The following ZCWPW2 variants were observed in gnomAD, a reference collection of about 807,000 sequenced individuals.
ZCWPW2 encodes the protein zinc finger CW-type and PWWP domain containing 2, also known as zinc finger CW-type PWWP domain protein 2.
ZCWPW2 carries 45 observed loss-of-function variants against 46.6 expected under a neutral mutation model. The ratio of observed to expected loss-of-function variants is 0.96; its 90% confidence interval spans 0.76 to 1.24. ZCWPW2 has a LOEUF of 1.24. Ranked by LOEUF, ZCWPW2 falls within the 50% of genes most tolerant of loss-of-function variation. The pLI, the probability that ZCWPW2 is intolerant of heterozygous loss-of-function variation, is 0.00. For missense variants in ZCWPW2, 429 were observed against 403.9 expected (o/e 1.06, Z -0.53); for synonymous variants, 152 against 137.1 (o/e 1.11, Z -0.76).
intron 1 of ZCWPW2, among the ~76,000 whole-genome samples, chr3:28,384,753 A>C (rs1054183513): frequency 6.6e-6 from 1 of 151,768 alleles, no homozygotes; most frequent in Admixed American, 6.6e-5. Context: ...AGCTGGGATT[A>C]CAGGCACCCA....
At chr3:28,359,080 T>A (rs981076837) in intron 1 of ZCWPW2, among the ~76,000 whole-genome samples, 5 of 152,048 alleles carry the variant, frequency 3.3e-5, no homozygotes, top group African/African-American at 9.7e-5. Flanking sequence ...GGCTCAAAAT[T>A]AAGTAATTGA....
chr3:28,460,131 A>T (rs1698569951), intron 4 of ZCWPW2, among the ~76,000 whole-genome samples: 2 of 152,138 alleles, frequency 1.3e-5, no homozygotes. Context: ...ATTACACTAT[A>T]AAGATTTGAC....
chr3:28,494,487 T>G (rs1306368833), intron 6 of ZCWPW2, among the ~76,000 whole-genome samples: 1 of 151,382 alleles, frequency 6.6e-6, no homozygotes, highest in Non-Finnish European at 1.5e-5. Context: ...TTCTGAGGGC[T>G]CTGTTCTGTT....
chr3:28,509,791 T>C (rs1177002726), intron 6 of ZCWPW2, among the ~76,000 whole-genome samples: 2 of 152,216 alleles, frequency 1.3e-5, no homozygotes, highest in Non-Finnish European at 2.9e-5. Context: ...CTTTCTTGAT[T>C]GTGTCCGTTA....
intron 1 of ZCWPW2, among the ~76,000 whole-genome samples, chr3:28,366,651 G>C (rs1575053003): frequency 6.6e-6 from 1 of 150,888 alleles, no homozygotes; most frequent in African/African-American, 2.4e-5. Flanking sequence ...GATGATGCTG[G>C]CCTCATAAAA....
In ZCWPW2 at chr3:28,471,680, C is replaced by T. The variant is rs112649207; in HGVS notation, c.493-7134C>T. On this transcript the variant is annotated intron_variant, in intron 4 of 9. Coordinates refer to ENST00000383768, the MANE Select transcript of ZCWPW2 (RefSeq NM_001040432.4). Reference sequence around the variant, plus strand: ...AACTGAAAGCCGTTTCTTTAAAATACGGAACATGACAAGGATGCCCATTGT... The same window carrying T: ...AACTGAAAGCCGTTTCTTTAAAATATGGAACATGACAAGGATGCCCATTGT... 8.0e-3 allele frequency among the ~76,000 whole-genome samples: 1,213 copies of T among 152,120 alleles called. 18 individuals carry two copies. The highest frequency in any genetic ancestry group is 0.027 in the African/African-American group (1,111 of 41,492).
chr3:28,406,777 G>C (rs1413172592), intron 2 of ZCWPW2, among the ~76,000 whole-genome samples: 1 of 148,584 alleles, frequency 6.7e-6, no homozygotes, highest in African/African-American at 2.5e-5. Context: ...CAATATTTTT[G>C]TACGTTACAT....
chr3:28,481,406 G>C (rs1166484272), intron 5 of ZCWPW2, among the ~76,000 whole-genome samples: 2 of 152,014 alleles, frequency 1.3e-5, no homozygotes, highest in Non-Finnish European at 2.9e-5. Flanking sequence ...ACCACGCCCA[G>C]CTAATTTTTG....
intron 6 of ZCWPW2, among the ~76,000 whole-genome samples, chr3:28,506,138 T>C (rs916110080): frequency 2.1e-4 from 31 of 148,116 alleles, no homozygotes; most frequent in Middle Eastern, 3.6e-3. Context: ...TTTTAATATA[T>C]ATATATAGTC....
chr3:28,352,094 T>C (rs1704572885), intron 1 of ZCWPW2, among the ~76,000 whole-genome samples: 1 of 148,344 alleles, frequency 6.7e-6, no homozygotes, highest in Admixed American at 6.8e-5. Context: ...CTTTGTCTCC[T>C]TACCCCTCCT....
chr3:28,435,961 T>C (rs1398547364), intron 4 of ZCWPW2, among the ~76,000 whole-genome samples: 1 of 152,124 alleles, frequency 6.6e-6, no homozygotes, highest in Non-Finnish European at 1.5e-5. Context: ...TTGCAACCAG[T>C]TTTTCAATTT....
intron 5 of ZCWPW2, among the ~76,000 whole-genome samples, chr3:28,487,973 C>T (rs1699663746): frequency 6.6e-6 from 1 of 152,138 alleles, no homozygotes; most frequent in South Asian, 2.1e-4. Flanking sequence ...AGTTTCTCCT[C>T]AGGGCAGGCC....
chr3:28,352,396 C>A (rs984154333), intron 1 of ZCWPW2, among the ~76,000 whole-genome samples: 1 of 152,136 alleles, frequency 6.6e-6, no homozygotes, highest in Non-Finnish European at 1.5e-5. Flanking sequence ...TAAGATTGAT[C>A]TTCCTCAGAG....
At chr3:28,406,353 C>G (rs1361869867) in intron 2 of ZCWPW2, among the ~76,000 whole-genome samples, 1 of 152,166 alleles carries the variant, frequency 6.6e-6, no homozygotes, top group East Asian at 1.9e-4. Context: ...GGGAGAATGA[C>G]CCTGCAGACG....
chr3:28,423,248 C>A (rs1320802946), intron 3 of ZCWPW2, among the ~76,000 whole-genome samples: 1 of 151,344 alleles, frequency 6.6e-6, no homozygotes, highest in East Asian at 1.9e-4. Flanking sequence ...TGGTTGGTGC[C>A]TTTGATGTTA....
At chr3:28,454,504 G>A (rs908106788) in intron 4 of ZCWPW2, among the ~76,000 whole-genome samples, 4 of 152,078 alleles carry the variant, frequency 2.6e-5, no homozygotes, top group Non-Finnish European at 5.9e-5. Context: ...AAGTTCAGGG[G>A]TACACGTGTA....
intron 1 of ZCWPW2, among the ~76,000 whole-genome samples, chr3:28,376,481 T>C (rs1705502946): frequency 6.6e-6 from 1 of 152,134 alleles, no homozygotes; most frequent in Non-Finnish European, 1.5e-5. Flanking sequence ...ACCACCAACT[T>C]ACAGTACTAG....
intron 1 of ZCWPW2, among the ~76,000 whole-genome samples, chr3:28,365,186 C>T (rs1260644544): frequency 6.7e-6 from 1 of 149,058 alleles, no homozygotes; most frequent in Non-Finnish European, 1.5e-5. Flanking sequence ...CTTTTGTTGC[C>T]ATTGCTTTTG....
chr3:28,378,269 A>G (rs890815310), intron 1 of ZCWPW2, among the ~76,000 whole-genome samples: 16 of 152,050 alleles, frequency 1.1e-4, no homozygotes, highest in African/African-American at 3.6e-4. Context: ...AGATAAATGT[A>G]GTTTAAAGAT....
Sources: gnomAD v4.1 joint callset for allele counts (sites outside exome capture counted in the v4.1 genomes callset) on GRCh38, gnomAD v4.1.1 for gene constraint, MANE v1.5 for transcripts, NCBI Gene and HGNC (gene_info 2026-07-23, HGNC 2026-07-21) for gene names.